NPY2R: variants seen among roughly 807,000 people sequenced by gnomAD.
The protein encoded by NPY2R is neuropeptide Y receptor type 2.
Under a neutral mutation model 22.3 loss-of-function variants are expected in NPY2R, and 17 were observed. The ratio of observed to expected loss-of-function variants is 0.76; its 90% CI spans 0.52 to 1.14. NPY2R has a LOEUF of 1.14. Ranked by LOEUF, NPY2R falls within the 50% of genes most tolerant of loss-of-function variation. The pLI is 0.00. For missense variants in NPY2R, 424 were observed against 467.9 expected, an observed-to-expected ratio of 0.91 and a Z score of 0.87; for synonymous variants, 209 against 183.4, an observed-to-expected ratio of 1.14 and a Z score of -1.13.
the NPY2R span, among the ~76,000 whole-genome samples, chr4:155,193,828 T>C: frequency 6.6e-6 from 1 of 151,970 alleles, no homozygotes; most frequent in Non-Finnish European, 1.5e-5. Context: ...ATGCTGATGA[T>C]ACAGTGGTGG....
the NPY2R span, among the ~76,000 whole-genome samples, chr4:155,190,543 T>C: frequency 6.6e-5 from 10 of 151,920 alleles, no homozygotes; most frequent in Admixed American, 2.0e-4. Context: ...AAGGAGGGTG[T>C]TTATTATATA....
intron 1 of NPY2R, among the ~76,000 whole-genome samples, chr4:155,211,979 C>A (rs1391475540): frequency 5.9e-5 from 9 of 152,194 alleles, no homozygotes; most frequent in Admixed American, 5.9e-4. Flanking sequence ...CCGACCAAAC[C>A]CAGCCAGAAT....
the NPY2R span, among the ~76,000 whole-genome samples, chr4:155,190,365 A>G: frequency 0.47 from 70,733 of 151,668 alleles, 17,201 homozygotes; most frequent in East Asian, 0.69. Flanking sequence ...GAAGAACAGA[A>G]TATAGAAAAC....
chr4:155,199,730 G>A, the NPY2R span, among the ~76,000 whole-genome samples: 1 of 151,570 alleles, frequency 6.6e-6, no homozygotes, highest in African/African-American at 2.4e-5. Flanking sequence ...GCAACCATCT[G>A]AACTGGACAA....
the NPY2R span, among the ~76,000 whole-genome samples, chr4:155,184,458 A>G: frequency 6.6e-6 from 1 of 152,300 alleles, no homozygotes; most frequent in South Asian, 2.1e-4. Flanking sequence ...TACTACCTGT[A>G]TTTATTCCAA....
upstream of NPY2R, chr4:155,208,096 G>A (rs942086850): frequency 6.6e-6 from 1 of 152,264 alleles, no homozygotes; most frequent in Non-Finnish European, 1.5e-5. This position sits in a 1 kb window ranked among gnomAD's most constrained non-coding sequence, Gnocchi z 5.6. Flanking sequence ...CCTGGGCGAG[G>A]GTGCGGAGGA....
At chr4:155,179,587 C>T in the NPY2R span, among the ~76,000 whole-genome samples, 1 of 152,296 alleles carries the variant, frequency 6.6e-6, no homozygotes, top group Non-Finnish European at 1.5e-5. Flanking sequence ...AGTGGCAACT[C>T]ATATATTTTC....
At chr4:155,207,870 C>A (rs1007998269), upstream of NPY2R, 1 of 152,296 alleles carries the variant, frequency 6.6e-6, no homozygotes, top group Admixed American at 6.5e-5. Context: ...GCTTTCCTAT[C>A]CTATCCCTAT....
At chr4:155,177,378 T>G in the NPY2R span, among the ~76,000 whole-genome samples, 1 of 152,160 alleles carries the variant, frequency 6.6e-6, no homozygotes, top group Non-Finnish European at 1.5e-5. Context: ...AAGAAAGGGC[T>G]AATGGGTACC....
At chr4:155,205,241 C>A (rs1311991618), upstream of NPY2R, among the ~76,000 whole-genome samples, 1 of 152,172 alleles carries the variant, frequency 6.6e-6, no homozygotes, top group Non-Finnish European at 1.5e-5. Context: ...CAAAACATTT[C>A]CATTATTGCA....
At chr4:155,198,572 T>C in the NPY2R span, among the ~76,000 whole-genome samples, 1 of 146,982 alleles carries the variant, frequency 6.8e-6, no homozygotes, top group Non-Finnish European at 1.5e-5. Context: ...ATATATTTGA[T>C]ATATATAATA....
At chr4:155,213,070 G>A (rs753508987) in intron 1 of NPY2R, among the ~76,000 whole-genome samples, 32 of 152,288 alleles carry the variant, frequency 2.1e-4, no homozygotes, top group Non-Finnish European at 4.3e-4. Context: ...GTAAGTAGGA[G>A]CTAAGCTGTG....
the NPY2R span, among the ~76,000 whole-genome samples, chr4:155,197,501 A>T: frequency 6.6e-6 from 1 of 151,520 alleles, no homozygotes; most frequent in Non-Finnish European, 1.5e-5. Context: ...GACTAGGAGG[A>T]GCTCTCTGTC....
chr4:155,210,038 G>T (rs1729370499), intron 1 of NPY2R, among the ~76,000 whole-genome samples: 1 of 152,140 alleles, frequency 6.6e-6, no homozygotes, highest in African/African-American at 2.4e-5. Flanking sequence ...CAGGAAAATT[G>T]TACCAGTAAA....
chr4:155,181,792 C>T, the NPY2R span, among the ~76,000 whole-genome samples: 21 of 152,110 alleles, frequency 1.4e-4, no homozygotes, highest in Admixed American at 3.9e-4. Context: ...TTTGTTTTGG[C>T]AACCCAAATG....
In NPY2R at chr4:155,214,917, C is replaced by A. The variant is rs138080356; in HGVS notation, c.978C>A (p.Gly326=). 6.2e-7 allele frequency: 1 copy of A among 1,613,742 alleles called. No homozygotes were observed. ...CSTFANPLLY[G]WMNSNYRKAF... is the part of the protein sequence containing the mutation. ...CTTTTGCCAATCCCCTTCTCTATGG[C>A]TGGATGAACAGCAACTACAGAAAGG... is the stretch of plus-strand genomic sequence containing the variant. The change falls in exon 2 of 2, where the codon GGC becomes GGA. Residue 326 remains glycine, a synonymous_variant. Transcript: ENST00000329476.
rs189250253 is a variant in NPY2R at position 155,212,918 on chromosome 4, G to A, written c.-48-974G>A. ...AGCATTGAGTGGATAAAGAAAACGTGGTATGTAATACACCATGGAATACTA... is the reference window on the plus strand; with the variant it reads ...AGCATTGAGTGGATAAAGAAAACGTAGTATGTAATACACCATGGAATACTA... On this transcript the variant is annotated intron_variant, in intron 1 of 1. Coordinates refer to ENST00000329476, the MANE Select transcript of NPY2R (RefSeq NM_000910.4). 5.5e-3 allele frequency among the ~76,000 whole-genome samples: 844 copies of A among 152,184 alleles called. 4 individuals are homozygous for A. The highest frequency in any genetic ancestry group is 0.031 in the Middle Eastern group (9 of 294).
In NPY2R at chr4:155,215,169, T is replaced by C; in HGVS notation, c.*84T>C. The C allele has an allele frequency of 7.9e-7, 1 of 1,271,044 alleles. No individual in the cohort carries two copies. The highest frequency in any genetic ancestry group is 1.1e-6 in the Non-Finnish European group (1 of 878,426). The allele number at this position is 1,271,044 out of a possible 1,614,324, so 78.7% of individuals were successfully genotyped here. ...ATGGCGGCTCACAAGTGAAAACTGA[T>C]TTCCCATTTTAAAGAAGAAGTGGAT... On this transcript the variant is annotated 3_prime_UTR_variant, in exon 2 of 2. Transcript: ENST00000329476.
At chr4:155,201,938 G>A in the NPY2R span, among the ~76,000 whole-genome samples, 2 of 152,092 alleles carry the variant, frequency 1.3e-5, no homozygotes, top group South Asian at 4.2e-4. Flanking sequence ...ATTCACATTT[G>A]GGATCCTACT....
Sources: gnomAD v4.1 joint callset for allele counts (sites outside exome capture counted in the v4.1 genomes callset) on GRCh38, gnomAD v4.1.1 for gene constraint, Gnocchi (gnomAD v3.1) non-coding constraint, MANE v1.5 for transcripts, NCBI Gene and HGNC (gene_info 2026-07-23, HGNC 2026-07-21) for gene names.